TENM2: variants seen among roughly 807,000 people sequenced by gnomAD.
The protein encoded by TENM2 is teneurin-2.
Under a neutral mutation model 245.2 loss-of-function variants are expected in TENM2, and 52 were observed. That is an observed-to-expected ratio of 0.21 (90% CI 0.17 to 0.27). The LOEUF is 0.27. Among genes scored for constraint, TENM2 ranks in the 10% least tolerant of loss-of-function variants. The probability of loss-of-function intolerance (pLI) is 1.00; values close to 1 mark genes in which losing one functional copy is unlikely to be tolerated. For synonymous variants in TENM2, 1,363 were observed against 1,438.9 expected, an observed-to-expected ratio of 0.95 and a Z score of 1.19; for missense variants, 3,046 against 3,666.8, an observed-to-expected ratio of 0.83 and a Z score of 4.37.
intron 1 of TENM2, among the ~76,000 whole-genome samples, chr5:167,333,079 C>T (rs1209245671): frequency 6.6e-6 from 1 of 152,126 alleles, no homozygotes; most frequent in African/African-American, 2.4e-5. Context: ...AAAATGAATT[C>T]ATAAGCCATC....
chr5:167,905,394 A>T (rs1005508578), intron 3 of TENM2, among the ~76,000 whole-genome samples: 2 of 152,204 alleles, frequency 1.3e-5, no homozygotes, highest in Non-Finnish European at 2.9e-5. Flanking sequence ...AAAATGAGCC[A>T]TCCTTGAAGA....
chr5:167,248,569 C>T, the TENM2 span, among the ~76,000 whole-genome samples: 1 of 152,058 alleles, frequency 6.6e-6, no homozygotes, highest in South Asian at 2.1e-4. Flanking sequence ...GCTGAACATC[C>T]CCCGGGGGGT....
At chr5:167,329,551 C>CAGAAAA (rs1426467469) in intron 1 of TENM2, among the ~76,000 whole-genome samples, 1 of 21,936 alleles carries the variant, frequency 4.6e-5, no homozygotes, top group Non-Finnish European at 7.8e-5. Context: ...GACTCAGTCT[C>CAGAAAA]AAAAAAAAAA....
chr5:167,922,469 A>G (rs374169019), intron 3 of TENM2, among the ~76,000 whole-genome samples: 9 of 152,326 alleles, frequency 5.9e-5, no homozygotes, highest in South Asian at 4.1e-4. Flanking sequence ...AGATGCTGAT[A>G]AAACACACAT....
chr5:167,048,830 A>G, the TENM2 span, among the ~76,000 whole-genome samples: 505 of 152,316 alleles, frequency 3.3e-3, 1 homozygote, highest in Non-Finnish European at 5.2e-3. Flanking sequence ...TTGGACCAGA[A>G]GATGTCTGAG....
At chr5:167,867,502 C>G (rs1395317655) in intron 2 of TENM2, among the ~76,000 whole-genome samples, 5 of 152,176 alleles carry the variant, frequency 3.3e-5, no homozygotes, top group Non-Finnish European at 7.3e-5. Flanking sequence ...TGCATAAGAG[C>G]TTGTTCACAA....
At chr5:167,233,919 C>G in the TENM2 span, among the ~76,000 whole-genome samples, 252 of 150,440 alleles carry the variant, frequency 1.7e-3, 1 homozygote, top group South Asian at 2.7e-3. Context: ...TGAAATGGTG[C>G]TTTAAAAAAG....
chr5:167,411,175 G>T (rs1324269627), intron 2 of TENM2, among the ~76,000 whole-genome samples: 1 of 151,990 alleles, frequency 6.6e-6, no homozygotes, highest in East Asian at 1.9e-4. Context: ...AACTCCCTGA[G>T]GCTGAGAGAG....
chr5:167,207,878 C>T, the TENM2 span, among the ~76,000 whole-genome samples: 5,591 of 152,178 alleles, frequency 0.037, 346 homozygotes, highest in African/African-American at 0.13. Flanking sequence ...CTCAGCCTCC[C>T]GAGTAGCTGA....
At chr5:167,601,817 G>A (rs898187055) in intron 2 of TENM2, among the ~76,000 whole-genome samples, 1 of 152,044 alleles carries the variant, frequency 6.6e-6, no homozygotes, top group Non-Finnish European at 1.5e-5. Flanking sequence ...AGTAAAAATT[G>A]CAAACACATT....
At chr5:167,449,471 CTA>C (rs1349742777) in intron 2 of TENM2, among the ~76,000 whole-genome samples, 2 of 151,400 alleles carry the variant, frequency 1.3e-5, no homozygotes, top group African/African-American at 4.9e-5. Context: ...AATGGCTGAG[CTA>C]TGTTTGTGGC....
intron 12 of TENM2, among the ~76,000 whole-genome samples, chr5:168,155,557 T>A (rs928175995): frequency 6.6e-6 from 1 of 152,152 alleles, no homozygotes; most frequent in East Asian, 1.9e-4. Flanking sequence ...CAATGTGGTA[T>A]TGCTGGAGTT....
chr5:168,126,398 A>G (rs1009391823), intron 11 of TENM2, among the ~76,000 whole-genome samples: 7 of 152,152 alleles, frequency 4.6e-5, no homozygotes, highest in Non-Finnish European at 7.3e-5. Flanking sequence ...TGGTTCTCAC[A>G]TTCTAGCGAG....
intron 2 of TENM2, among the ~76,000 whole-genome samples, chr5:167,771,347 G>T (rs1222381681): frequency 1.3e-5 from 2 of 152,150 alleles, no homozygotes; most frequent in African/African-American, 4.8e-5. Context: ...TGTTTACCTT[G>T]TCTGTGTGTT....
intron 2 of TENM2, among the ~76,000 whole-genome samples, chr5:167,595,873 C>T (rs6879246): frequency 0.52 from 78,691 of 151,992 alleles, 23,208 homozygotes; most frequent in Middle Eastern, 0.67. Context: ...TCTCCTCCCC[C>T]ATAAAATAAA....
At chr5:167,357,827 CT>C (rs1302631622) in intron 1 of TENM2, among the ~76,000 whole-genome samples, 2 of 152,136 alleles carry the variant, frequency 1.3e-5, no homozygotes, top group Non-Finnish European at 2.9e-5. Flanking sequence ...CCAGATGTTG[CT>C]TCTAAGCCTC....
At chr5:167,578,254 T>G (rs557016510) in intron 2 of TENM2, among the ~76,000 whole-genome samples, 11 of 152,310 alleles carry the variant, frequency 7.2e-5, no homozygotes, top group African/African-American at 2.6e-4. Context: ...ATTGCAGCCT[T>G]ACGGAGGTAT....
intron 2 of TENM2, among the ~76,000 whole-genome samples, chr5:167,681,754 T>A: frequency 6.6e-6 from 1 of 152,138 alleles, no homozygotes. Context: ...ATCCCACCAT[T>A]AGTGTAGGAG....
intron 3 of TENM2, among the ~76,000 whole-genome samples, chr5:167,880,949 T>C (rs1255994759): frequency 6.6e-6 from 1 of 152,192 alleles, no homozygotes; most frequent in Non-Finnish European, 1.5e-5. Flanking sequence ...GCAGATGTTC[T>C]GTGTTACAGA....
Sources: gnomAD v4.1 joint callset for allele counts (sites outside exome capture counted in the v4.1 genomes callset) on GRCh38, gnomAD v4.1.1 for gene constraint, MANE v1.5 for transcripts, NCBI Gene and HGNC (gene_info 2026-07-23, HGNC 2026-07-21) for gene names.